The following EHMT1 variants were observed in gnomAD, a reference collection of about 807,000 sequenced individuals.
EHMT1 encodes histone-lysine N-methyltransferase EHMT1.
EHMT1 carries 15 observed loss-of-function variants against 147.2 expected under a neutral mutation model. That is an observed-to-expected ratio of 0.10 (90% CI 0.07 to 0.16). EHMT1 has a LOEUF of 0.16. Among genes scored for constraint, EHMT1 ranks in the 10% least tolerant of loss-of-function variants. The pLI, the probability that EHMT1 is intolerant of heterozygous loss-of-function variation, is 1.00. For synonymous variants in EHMT1, 795 were observed against 709.6 expected (o/e 1.12, Z -1.91); for missense variants, 1,587 against 1,772.4 (o/e 0.90, Z 1.88).
intron 3 of EHMT1, among the ~76,000 whole-genome samples, chr9:137,722,453 ACT>A (rs2135653333): frequency 6.6e-6 from 1 of 152,172 alleles, no homozygotes; most frequent in South Asian, 2.1e-4. Flanking sequence ...TTTCCTGAAG[ACT>A]CTCCACTGCC....
At chr9:137,670,410 CACTT>C (rs1248792319) in intron 1 of EHMT1, among the ~76,000 whole-genome samples, 1 of 152,138 alleles carries the variant, frequency 6.6e-6, no homozygotes, top group East Asian at 1.9e-4. Context: ...GTAGTGTCCT[CACTT>C]AGTCCTTGGG....
intron 1 of EHMT1, among the ~76,000 whole-genome samples, chr9:137,661,640 C>T (rs1939094738): frequency 6.6e-6 from 1 of 151,780 alleles, no homozygotes; most frequent in Non-Finnish European, 1.5e-5. Flanking sequence ...TGCGCACCAC[C>T]ATGCCTGGCT....
intron 6 of EHMT1, among the ~76,000 whole-genome samples, chr9:137,749,097 C>G (rs2136140189): frequency 6.6e-6 from 1 of 152,188 alleles, no homozygotes; most frequent in South Asian, 2.1e-4. Context: ...TGGTCTGTGG[C>G]CTGCTACCCA....
intron 21 of EHMT1, 175 bp from the exon 22 acceptor site, chr9:137,814,256 C>T (rs911953743): frequency 4.2e-6 from 3 of 713,946 alleles, no homozygotes; most frequent in East Asian, 5.4e-5. Context: ...CACAGGCACT[C>T]GACATGTTTC....
intron 1 of EHMT1, among the ~76,000 whole-genome samples, chr9:137,685,771 C>T (rs1379931872): frequency 1.3e-5 from 2 of 152,130 alleles, no homozygotes; most frequent in African/African-American, 4.8e-5. Context: ...CTAGTGGGAG[C>T]AACGTGGTAT....
rs756812570 is a variant in EHMT1, at chr9:137,754,193, A to G, written c.1271A>G (p.Lys424Arg). The change falls in exon 8 of 27, where the codon AAG becomes AGG. Residue 424 changes from lysine (K) to arginine (R), a missense_variant. Around this residue, in one of 7 missense-constraint regions of EHMT1, gnomAD observed 810 missense variants for 673.0 expected, o/e 1.20. Coordinates refer to ENST00000460843, the MANE Select transcript of EHMT1 (RefSeq NM_024757.5). ...SDLSSESSIKKKFLKRKGKTD... is the reference protein window; with the variant it reads ...SDLSSESSIKRKFLKRKGKTD... ...CAGAGTTCGGAATCCAGCATTAAGAAGAAATTTCTCAAGAGGAAAGGAAAG... is the reference window on the plus strand; with the variant it reads ...CAGAGTTCGGAATCCAGCATTAAGAGGAAATTTCTCAAGAGGAAAGGAAAG... 7 of 1,614,180 alleles carry G rather than the reference A, an allele frequency of 4.3e-6. No individual in the cohort carries two copies. Among genetic ancestry groups the G allele is most frequent in the Non-Finnish European group, 5.9e-6 (7 of 1,180,010 alleles).
At chr9:137,670,367 C>A (rs968118724) in intron 1 of EHMT1, among the ~76,000 whole-genome samples, 25 of 152,158 alleles carry the variant, frequency 1.6e-4, no homozygotes, top group African/African-American at 5.5e-4. Context: ...TAGCCTTCCT[C>A]CCTTGGCTAG....
At chr9:137,772,794 T>C (rs184682367) in intron 10 of EHMT1, among the ~76,000 whole-genome samples, 95 of 152,334 alleles carry the variant, frequency 6.2e-4, no homozygotes, top group African/African-American at 2.1e-3. Flanking sequence ...CTCCCACCCA[T>C]GGTGACCTCA....
At chr9:137,781,589 A>AT (rs1246278959) in intron 14 of EHMT1, among the ~76,000 whole-genome samples, 5 of 152,210 alleles carry the variant, frequency 3.3e-5, no homozygotes, top group African/African-American at 1.2e-4. Context: ...AGGCAAACCG[A>AT]TTGCATTAGA....
chr9:137,673,436 G>A lies in EHMT1; in HGVS notation c.22-37531G>A, dbSNP rs368170007. ...GTACAGCCTTATTTTTATGTCTCAT[G>A]TTGTTCTGAAGAGGAGATGGGTGTC... is the stretch of plus-strand genomic sequence containing the variant. On this transcript the variant is annotated intron_variant, in intron 1 of 26. Coordinates refer to ENST00000460843, the MANE Select transcript of EHMT1 (RefSeq NM_024757.5). 4.6e-4 allele frequency among the ~76,000 whole-genome samples: 70 copies of A among 152,298 alleles called. 1 individual carries two copies. The highest frequency in any genetic ancestry group is 1.7e-3 in the African/African-American group (69 of 41,558).
rs138691641 is a variant in EHMT1, at chr9:137,731,010, T to C, written c.823+2481T>C. On this transcript the variant is annotated intron_variant, in intron 4 of 26. Coordinates refer to ENST00000460843, the MANE Select transcript of EHMT1 (RefSeq NM_024757.5). This position sits in a 1 kb window ranked among gnomAD's most constrained non-coding sequence, Gnocchi z 4.3. ...CACGTATGTGAGGACTTAAAAGTAA[T>C]GTCTGAAGAGTTGTTAAAGTGTTGA... Among the ~76,000 whole-genome samples, 1 of 152,392 alleles carries C rather than the reference T, an allele frequency of 6.6e-6. No homozygotes were observed. The highest frequency in any genetic ancestry group is 1.9e-4 in the East Asian group (1 of 5,196).
chr9:137,653,761 T>C (rs988812499), intron 1 of EHMT1, among the ~76,000 whole-genome samples: 2 of 152,136 alleles, frequency 1.3e-5, no homozygotes, highest in Non-Finnish European at 2.9e-5. Context: ...CTCCCGACCC[T>C]GATCCGCCTG....
At chr9:137,693,127 C>T (rs968249583) in intron 1 of EHMT1, among the ~76,000 whole-genome samples, 3 of 152,130 alleles carry the variant, frequency 2.0e-5, no homozygotes, top group African/African-American at 7.2e-5. Context: ...AATTGTTAAA[C>T]TCGTAGGGGA....
At chr9:137,678,281 T>A (rs1334426038) in intron 1 of EHMT1, among the ~76,000 whole-genome samples, 1 of 152,106 alleles carries the variant, frequency 6.6e-6, no homozygotes, top group Non-Finnish European at 1.5e-5. Context: ...CAGCACAGTG[T>A]TTGAATGCTG....
rs562411087 is a variant in EHMT1, at chr9:137,716,928, C to G, written c.388C>G (p.Pro130Ala). The G allele has an allele frequency of 3.1e-6, 5 of 1,612,858 alleles. No homozygotes were observed. Among genetic ancestry groups the G allele is most frequent in the African/African-American group, 1.3e-5 (1 of 74,910 alleles). ...IGSNGYILNK[P>A]ALQAQPLRTT... is the part of the protein sequence containing the mutation. ...CAGCAACGGATACATCTTAAATAAG[C>G]CGGCCCTACAGGCACAGCCCTTGAG... Residue 130 changes from proline (P) to alanine (A), a missense_variant, in exon 3 of 27, where the codon CCG (proline) becomes GCG (alanine). Transcript: ENST00000460843.
intron 15 of EHMT1, chr9:137,788,280 G>T: frequency 2.3e-6 from 1 of 427,680 alleles, no homozygotes; most frequent in South Asian, 6.8e-5. Context: ...GCTGGGCGGT[G>T]GCAGATGACC....
At chr9:137,751,436 G>A (rs568227017) in intron 6 of EHMT1, among the ~76,000 whole-genome samples, 5 of 152,314 alleles carry the variant, frequency 3.3e-5, no homozygotes, top group Admixed American at 2.6e-4. Flanking sequence ...GATTACAAGC[G>A]TGAGCCATCG....
At chr9:137,777,783 G>T in intron 12 of EHMT1, 99 bp from the exon 13 acceptor site, 1 of 1,527,536 alleles carries the variant, frequency 6.5e-7, no homozygotes, top group South Asian at 1.1e-5. Context: ...AAGCAAATCC[G>T]CAGCTCTCAC....
chr9:137,659,749 G>T (rs917546279), intron 1 of EHMT1, among the ~76,000 whole-genome samples: 3 of 151,266 alleles, frequency 2.0e-5, no homozygotes, highest in African/African-American at 7.3e-5. Context: ...GCTAATTTTT[G>T]TATTTTTTGC....
Sources: gnomAD v4.1 joint callset for allele counts (sites outside exome capture counted in the v4.1 genomes callset) on GRCh38, gnomAD v4.1.1 for gene constraint, gnomAD v4.1.1 regional missense constraint, Gnocchi (gnomAD v3.1) non-coding constraint, MANE v1.5 for transcripts, NCBI Gene and HGNC (gene_info 2026-07-23, HGNC 2026-07-21) for gene names.